The following TCF3 variants were observed in gnomAD, a reference collection of about 807,000 sequenced individuals.
TCF3 encodes transcription factor E2-alpha.
A neutral mutation model predicts 72.3 loss-of-function variants in TCF3; 54 were observed. That is an observed-to-expected ratio of 0.75 (90% CI 0.60 to 0.94). The LOEUF (loss-of-function observed/expected upper bound fraction) is 0.94, where lower values mean the gene tolerates loss of function less well. TCF3 is among the 40% of genes least tolerant of loss of function. The probability of loss-of-function intolerance (pLI) is 0.00; values close to 1 mark genes in which losing one functional copy is unlikely to be tolerated. For synonymous variants in TCF3, 525 were observed against 412.6 expected (o/e 1.27, Z -3.30); for missense variants, 1,078 against 934.4 (o/e 1.15, Z -2.00).
rs183616474 is a variant in TCF3, at chr19:1,645,355, C to G, written c.145+1000G>C. Among the ~76,000 whole-genome samples the G allele has an allele frequency of 2.0e-3, 300 of 152,236 alleles. 1 individual carries two copies. The highest frequency in any genetic ancestry group is 7.7e-3 in the South Asian group (37 of 4,824). ...GCATCGGGGGCACCCGCCCCAACCTCCCCCACCAAATCCTGTCGACAGCCA... is the reference window on the plus strand; with the variant it reads ...GCATCGGGGGCACCCGCCCCAACCTGCCCCACCAAATCCTGTCGACAGCCA... On this transcript the variant is annotated intron_variant, in intron 3 of 18. Coordinates refer to ENST00000262965, the MANE Select transcript of TCF3 (RefSeq NM_003200.5).
chr19:1,642,522 G>A (rs764263381), intron 3 of TCF3, among the ~76,000 whole-genome samples: 15 of 152,180 alleles, frequency 9.9e-5, no homozygotes, highest in African/African-American at 1.7e-4. Context: ...CTTCAAGGAC[G>A]AGGGCCCAAG....
At chr19:1,627,806 CAGG>C (rs1334683884) in intron 5 of TCF3, among the ~76,000 whole-genome samples, 3 of 115,382 alleles carry the variant, frequency 2.6e-5, no homozygotes, top group Admixed American at 8.4e-5. Flanking sequence ...GCAGAGCTCA[CAGG>C]GGGTGAGGCG....
At chr19:1,640,721 G>A (rs986358182) in intron 3 of TCF3, among the ~76,000 whole-genome samples, 15 of 152,014 alleles carry the variant, frequency 9.9e-5, no homozygotes, top group South Asian at 2.1e-4. Flanking sequence ...GGAGAATGGC[G>A]TGAACCTGGG....
intron 3 of TCF3, among the ~76,000 whole-genome samples, chr19:1,638,722 C>T (rs1024269890): frequency 6.6e-6 from 1 of 152,200 alleles, no homozygotes; most frequent in African/African-American, 2.4e-5. Context: ...GCTATTCAAT[C>T]ACGGCCTTAA....
chr19:1,612,575 G>A (rs1180699385), intron 18 of TCF3: 15 of 764,320 alleles, frequency 2.0e-5, no homozygotes, highest in Non-Finnish European at 4.2e-6. Flanking sequence ...GTGTTGGTGG[G>A]CACAGCAGTG....
intron 13 of TCF3, 30 bp from the exon 14 acceptor site, chr19:1,619,883 G>A (rs1367924040): frequency 1.3e-6 from 2 of 1,541,564 alleles, no homozygotes; most frequent in Admixed American, 3.9e-5. Flanking sequence ...TGAATGGGGT[G>A]CGAGGGGCGG....
intron 8 of TCF3, among the ~76,000 whole-genome samples, chr19:1,622,956 C>A (rs942198145): frequency 6.6e-5 from 10 of 152,070 alleles, no homozygotes; most frequent in Non-Finnish European, 1.0e-4. Flanking sequence ...TGTGCTGGAG[C>A]GGGAAGTATG....
At chr19:1,622,952 G>A (rs1299385420) in intron 8 of TCF3, among the ~76,000 whole-genome samples, 1 of 152,204 alleles carries the variant, frequency 6.6e-6, no homozygotes, top group African/African-American at 2.4e-5. Context: ...CTGCTGTGCT[G>A]GAGCGGGAAG....
chr19:1,625,847 T>A, intron 6 of TCF3, 139 bp from the exon 7 acceptor site: 2 of 1,110,148 alleles, frequency 1.8e-6, no homozygotes, highest in Non-Finnish European at 2.4e-6. Context: ...TGTCACGGTG[T>A]TTCTCTGTGA....
At chr19:1,627,316 G>C in intron 6 of TCF3, 43 bp downstream of exon 6, 1 of 1,501,790 alleles carries the variant, frequency 6.7e-7, no homozygotes, top group Non-Finnish European at 9.0e-7. Flanking sequence ...TGACAGATTT[G>C]TTTAAAATCA....
intron 14 of TCF3, 45 bp downstream of exon 14, chr19:1,619,735 A>G (rs1366651551): frequency 7.9e-7 from 1 of 1,260,850 alleles, no homozygotes. Flanking sequence ...TCTGTCCTGC[A>G]AATTCTGTCG....
chr19:1,635,713 C>T (rs1298712527), intron 3 of TCF3, among the ~76,000 whole-genome samples: 4 of 152,142 alleles, frequency 2.6e-5, no homozygotes, highest in Non-Finnish European at 5.9e-5. Context: ...CTGCTGGAAA[C>T]GTGGCCAGCA....
intron 6 of TCF3, 28 bp from the exon 7 acceptor site, chr19:1,625,736 G>A (rs771621678): frequency 1.7e-5 from 25 of 1,471,078 alleles, no homozygotes; most frequent in South Asian, 8.1e-5. Context: ...GTCAGAAAGC[G>A]CCCAGCTGGC....
intron 3 of TCF3, among the ~76,000 whole-genome samples, chr19:1,645,855 C>T (rs1364583205): frequency 6.6e-6 from 1 of 152,196 alleles, no homozygotes; most frequent in African/African-American, 2.4e-5. Flanking sequence ...CCTGGGCAAA[C>T]CACAATGGCC....
intron 3 of TCF3, among the ~76,000 whole-genome samples, chr19:1,642,218 AGACG>A (rs1042323401): frequency 1.3e-5 from 2 of 151,620 alleles, no homozygotes; most frequent in African/African-American, 4.9e-5. Flanking sequence ...ACACACGCGC[AGACG>A]CACAGACACG....
chr19:1,651,168 GA>G, intron 1 of TCF3: 1 of 231,490 alleles, frequency 4.3e-6, no homozygotes, highest in Non-Finnish European at 8.6e-6. Context: ...TCCACCCCCA[GA>G]AAAAGGTACA....
chr19:1,643,578 C>G (rs2065646014), intron 3 of TCF3, among the ~76,000 whole-genome samples: 1 of 152,000 alleles, frequency 6.6e-6, no homozygotes, highest in South Asian at 2.1e-4. Context: ...CGCAGTGGCT[C>G]AAACATAGCT....
intron 6 of TCF3, among the ~76,000 whole-genome samples, chr19:1,626,114 C>T (rs918121882): frequency 2.6e-5 from 4 of 152,186 alleles, no homozygotes; most frequent in African/African-American, 9.6e-5. Flanking sequence ...CCTGGGGAGC[C>T]AGGGCTGCCC....
chr19:1,643,000 G>C (rs72989743), intron 3 of TCF3, among the ~76,000 whole-genome samples: 6 of 152,200 alleles, frequency 3.9e-5, no homozygotes, highest in African/African-American at 1.2e-4. Flanking sequence ...ACTTTCCTTT[G>C]GTCCGTCAAT....
Sources: gnomAD v4.1 joint callset for allele counts (sites outside exome capture counted in the v4.1 genomes callset) on GRCh38, gnomAD v4.1.1 for gene constraint, MANE v1.5 for transcripts, NCBI Gene and HGNC (gene_info 2026-07-23, HGNC 2026-07-21) for gene names.